Variants in DNAJC16 observed in about 807,000 individuals in gnomAD.
DNAJC16 encodes the protein dnaJ homolog subfamily C member 16.
Under a neutral mutation model 92.7 loss-of-function variants are expected in DNAJC16, and 76 were observed. That is an observed-to-expected ratio of 0.82 (90% CI 0.68 to 0.99). The LOEUF is 0.99. Ranked by LOEUF, DNAJC16 falls within the 50% of genes least tolerant of loss-of-function variation. DNAJC16 has a pLI of 0.00. For missense variants in DNAJC16, 869 were observed against 942.4 expected (o/e 0.92, Z 1.02); for synonymous variants, 328 against 358.7 (o/e 0.91, Z 0.97).
In DNAJC16 at chr1:15,562,141, G is replaced by A; in HGVS notation, c.1155-1G>A. 1 of 1,613,144 alleles carries A rather than the reference G, an allele frequency of 6.2e-7. No individual in the cohort carries two copies. The highest frequency in any genetic ancestry group is 8.5e-7 in the Non-Finnish European group (1 of 1,179,356). On this transcript the variant is annotated splice_acceptor_variant, in intron 8 of 14. Transcript: ENST00000375847. LOFTEE classifies it high-confidence loss of function. ...TAAAGTTTTGTCTTTTTGTTGTGCA[G>A]GTACTGTGTGGTTTTATTGACTGCT...
intron 2 of DNAJC16, among the ~76,000 whole-genome samples, chr1:15,529,835 T>C (rs1343089217): frequency 6.6e-6 from 1 of 152,168 alleles, no homozygotes; most frequent in Non-Finnish European, 1.5e-5. Flanking sequence ...CAAGTCCCTA[T>C]ATAAAATAGC....
rs1638644279 is a variant in DNAJC16 at position 15,559,513 on chromosome 1, G to A, written c.1024-13G>A. On this transcript the variant is annotated splice_polypyrimidine_tract_variant and intron_variant, in intron 7 of 14. Transcript: ENST00000375847. ...ACTGCATAAAATCTAGCTGATTCTT[G>A]GTTTTTCTCTAGGCCCGAGGTATGA... 3.7e-6 allele frequency: 6 copies of A among 1,613,480 alleles called. No homozygotes were observed. In the Admixed American group the frequency reaches 8.3e-5, roughly 22 times the overall value.
At position 15,559,642 on chromosome 1, in the gene DNAJC16, G is replaced by A. The variant is rs774438587; in HGVS notation, c.1140G>A (p.Ser380=). The A allele has an allele frequency of 4.0e-5, 65 of 1,613,814 alleles. No homozygotes were observed. Among genetic ancestry groups the A allele is most frequent in the Non-Finnish European group, 4.9e-5 (58 of 1,179,934 alleles). Reference sequence around the variant, plus strand: ...ATGAACTCTGCCCTGTGAAACGGTCGCATCGACAGAGGAAGTAAGGACTTA... The same window carrying A: ...ATGAACTCTGCCCTGTGAAACGGTCACATCGACAGAGGAAGTAAGGACTTA... ...LFHELCPVKR[S]HRQRKYCVVL... Residue 380 remains serine (S), a synonymous_variant, in exon 8 of 15, where the codon TCG becomes TCA. Coordinates refer to ENST00000375847, the MANE Select transcript of DNAJC16 (RefSeq NM_015291.4).
rs1176612216 is a variant in DNAJC16 at position 15,544,546 on chromosome 1, T to C, written c.722T>C (p.Phe241Ser). Reference sequence around the variant, plus strand: ...GTTGTCCGTGAAAATCTGCGACAATTTGTAGAAAGTCTTCTTCCAGGGAAC... The same window carrying C: ...GTTGTCCGTGAAAATCTGCGACAATCTGTAGAAAGTCTTCTTCCAGGGAAC... ...NAVVRENLRQFVESLLPGNLV... is the reference protein window; with the variant it reads ...NAVVRENLRQSVESLLPGNLV... Residue 241 changes from phenylalanine to serine, a missense_variant, in exon 5 of 15, where the codon TTT becomes TCT. By Grantham distance (155) the Phe-to-Ser change is radical (BLOSUM62 -2). Coordinates refer to ENST00000375847, the MANE Select transcript of DNAJC16 (RefSeq NM_015291.4). The C allele has an allele frequency of 6.2e-7, 1 of 1,614,040 alleles. No homozygotes were observed. The highest frequency in any genetic ancestry group is 1.3e-5 in the African/African-American group (1 of 74,908).
At chr1:15,566,408 C>G in intron 13 of DNAJC16, 1 of 532,336 alleles carries the variant, frequency 1.9e-6, no homozygotes, top group Non-Finnish European at 3.3e-6. Flanking sequence ...AGAAGCCTAT[C>G]AGGCAAGTGT....
chr1:15,543,115 A>C (rs1239547978), intron 4 of DNAJC16, among the ~76,000 whole-genome samples: 1 of 152,232 alleles, frequency 6.6e-6, no homozygotes. Context: ...AGTGGACTAC[A>C]AAGGGATCCC....
Position 15,559,629 on chromosome 1 carries a change from C to T in DNAJC16, c.1127C>T (p.Pro376Leu). 1.9e-6 allele frequency: 3 copies of T among 1,614,178 alleles called. No homozygotes were observed. In the South Asian group the frequency reaches 3.3e-5, roughly 18 times the overall value. The change falls in exon 8 of 15, where the codon CCT becomes CTT. Residue 376 changes from proline to leucine, a missense_variant. Physicochemically the swap from Pro to Leu is moderately conservative, Grantham distance 98. Coordinates refer to ENST00000375847, the MANE Select transcript of DNAJC16 (RefSeq NM_015291.4). ...CAGAAGTTGTTCCATGAACTCTGCCCTGTGAAACGGTCGCATCGACAGAGG... is the reference window on the plus strand; with the variant it reads ...CAGAAGTTGTTCCATGAACTCTGCCTTGTGAAACGGTCGCATCGACAGAGG... ...TSQKLFHELCPVKRSHRQRKY... is the reference protein window; with the variant it reads ...TSQKLFHELCLVKRSHRQRKY...
chr1:15,546,069 C>T (rs915341903), intron 5 of DNAJC16, among the ~76,000 whole-genome samples: 2 of 152,084 alleles, frequency 1.3e-5, no homozygotes, highest in African/African-American at 4.8e-5. Context: ...CTTTAGGAGG[C>T]TGAGGTGTGA....
Position 15,529,133 on chromosome 1 carries a change from T to G in DNAJC16, c.28T>G (p.Trp10Gly). Residue 10 changes from tryptophan to glycine, a missense_variant, in exon 2 of 15, where the codon TGG (tryptophan) becomes GGG (glycine). By Grantham distance (184) the Trp-to-Gly change is radical. Transcript: ENST00000375847. MEVRKLSIS[W>G]QFLIVLVLIL... The stretch of plus-strand genomic sequence containing the variant: ...GGAAGTGAGAAAGTTGAGCATTTCC[T>G]GGCAGTTCTTGATAGTTCTGGTTCT... The G allele has an allele frequency of 6.2e-7, 1 of 1,613,992 alleles. No individual in the cohort carries two copies. The highest frequency in any genetic ancestry group is 1.1e-5 in the South Asian group (1 of 91,064).
chr1:15,546,915 CTTTT>C (rs76961003), intron 6 of DNAJC16, 44 bp downstream of exon 6: 6,105 of 900,506 alleles, frequency 6.8e-3, no homozygotes, highest in East Asian at 0.011. Flanking sequence ...CTTTTCTTTT[CTTTT>C]TTTTTTTTTT....
intron 2 of DNAJC16, 116 bp downstream of exon 2, chr1:15,529,388 T>A (rs1710601432): frequency 2.9e-6 from 3 of 1,038,996 alleles, no homozygotes; most frequent in East Asian, 2.8e-5. Flanking sequence ...TATATATATC[T>A]GTCTAAAATA....
intron 1 of DNAJC16, among the ~76,000 whole-genome samples, chr1:15,527,514 AGGAC>A (rs1177612037): frequency 6.6e-6 from 1 of 152,220 alleles, no homozygotes; most frequent in African/African-American, 2.4e-5. Flanking sequence ...TTTATGAATA[AGGAC>A]GCTGATGCTT....
In DNAJC16 at chr1:15,567,306, G is replaced by A. The variant is rs754175254; in HGVS notation, c.1949+37G>A. ...TGTGTGTGCATGTATGTATGTGTGT[G>A]AGAGAGAGAGAGGCAGGCACACTGA... On this transcript the variant is annotated intron_variant, in intron 14 of 14. Transcript: ENST00000375847. 34 of 1,444,124 alleles carry A rather than the reference G, an allele frequency of 2.4e-5. 1 individual carries two copies. In the Middle Eastern group the frequency reaches 1.8e-3, roughly 75 times the overall value. The allele number at this position is 1,444,124 out of a possible 1,614,324, so 89.5% of individuals were successfully genotyped here.
intron 7 of DNAJC16, among the ~76,000 whole-genome samples, chr1:15,554,557 A>G (rs1638522339): frequency 6.6e-6 from 1 of 152,210 alleles, no homozygotes; most frequent in Non-Finnish European, 1.5e-5. Context: ...GATAGAACAA[A>G]TCTCCTCACT....
At chr1:15,534,519 C>T (rs540845823) in intron 3 of DNAJC16, among the ~76,000 whole-genome samples, 14 of 152,000 alleles carry the variant, frequency 9.2e-5, no homozygotes, top group African/African-American at 3.1e-4. Context: ...GTCAGGAGTT[C>T]GAGACCAGCC....
At position 15,564,279 on chromosome 1, in the gene DNAJC16, A is replaced by T. The variant is rs1159157195; in HGVS notation, c.1522-4A>T. The T allele has an allele frequency of 6.2e-6, 10 of 1,601,022 alleles. No homozygotes were observed. The highest frequency in any genetic ancestry group is 6.8e-6 in the Non-Finnish European group (8 of 1,168,266). ...TGACCATCATCCATTTTCTCTCTAC[A>T]TAGGTTTTTCTCCTTCGATGGTTCT... is the stretch of plus-strand genomic sequence containing the variant. On this transcript the variant is annotated splice_region_variant and splice_polypyrimidine_tract_variant and intron_variant, in intron 10 of 14. Transcript: ENST00000375847.
intron 7 of DNAJC16, among the ~76,000 whole-genome samples, chr1:15,550,710 G>T (rs1013214941): frequency 2.6e-5 from 4 of 152,210 alleles, no homozygotes; most frequent in Admixed American, 2.0e-4. Context: ...CTTTTTCACT[G>T]TGTTGACATT....
intron 4 of DNAJC16, among the ~76,000 whole-genome samples, chr1:15,541,950 T>A (rs1710940531): frequency 6.6e-6 from 1 of 152,198 alleles, no homozygotes; most frequent in Non-Finnish European, 1.5e-5. Context: ...GAGCACCTAA[T>A]CCTTGGAATT....
chr1:15,542,829 C>T (rs1710964154), intron 4 of DNAJC16, among the ~76,000 whole-genome samples: 1 of 152,188 alleles, frequency 6.6e-6, no homozygotes, highest in Admixed American at 6.5e-5. Flanking sequence ...GGCATAGTGG[C>T]ACGTGCCTGG....
Sources: allele counts gnomAD v4.1 joint callset (sites outside exome capture counted in the v4.1 genomes callset), GRCh38; gene constraint gnomAD v4.1.1; transcripts MANE v1.5; gene names NCBI Gene and HGNC (gene_info 2026-07-23, HGNC 2026-07-21).